MCUB: variants seen among roughly 807,000 people sequenced by gnomAD.
MCUB encodes mitochondrial calcium uniporter dominant negative subunit beta.
Under a neutral mutation model 41.4 loss-of-function variants are expected in MCUB, and 46 were observed. That is an observed-to-expected ratio of 1.11 (90% CI 0.88 to 1.42). The LOEUF is 1.42. Ranked by LOEUF, MCUB falls within the 40% of genes most tolerant of loss-of-function variation. MCUB has a pLI of 0.00. For synonymous variants in MCUB, 148 were observed against 148.2 expected (o/e 1.00, Z 0.01); for missense variants, 403 against 404.9 (o/e 1.00, Z 0.04).
chr4:109,584,111 T>C (rs1240420370), intron 1 of MCUB, among the ~76,000 whole-genome samples: 1 of 152,170 alleles, frequency 6.6e-6, no homozygotes. Flanking sequence ...CTATTAATTA[T>C]TGCCTCAATT....
intron 1 of MCUB, among the ~76,000 whole-genome samples, chr4:109,613,527 C>T (rs1007645360): frequency 7.2e-5 from 11 of 152,190 alleles, no homozygotes; most frequent in African/African-American, 2.7e-4. Context: ...TTCACTTCCA[C>T]TTGGTCCTCT....
rs77432580 is a variant in MCUB at position 109,604,846 on chromosome 4, A to G, written c.99+44410A>G. Among the ~76,000 whole-genome samples, 1,015 of 152,322 alleles carry G rather than the reference A, an allele frequency of 6.7e-3. 10 individuals carry two copies. The highest frequency in any genetic ancestry group is 0.011 in the Non-Finnish European group (731 of 68,040). Reference sequence around the variant, plus strand: ...TTGATTGATTTGCATATGTCAAACCATGGTTCCCTCCTTGGGATAAAAACC... The same window carrying G: ...TTGATTGATTTGCATATGTCAAACCGTGGTTCCCTCCTTGGGATAAAAACC... On this transcript the variant is annotated intron_variant, in intron 1 of 7. Coordinates refer to ENST00000394650, the MANE Select transcript of MCUB (RefSeq NM_017918.5).
At chr4:109,597,130 T>C (rs1579056752) in intron 1 of MCUB, among the ~76,000 whole-genome samples, 1 of 150,182 alleles carries the variant, frequency 6.7e-6, no homozygotes, top group Non-Finnish European at 1.5e-5. Flanking sequence ...CCATGTCTAC[T>C]TCTTTCTACA....
At chr4:109,580,364 G>C (rs1727141777) in intron 1 of MCUB, among the ~76,000 whole-genome samples, 2 of 152,188 alleles carry the variant, frequency 1.3e-5, no homozygotes, top group Admixed American at 1.3e-4. Flanking sequence ...CTGTATAGTA[G>C]CATGATTTGT....
chr4:109,561,385 C>A (rs896888963), intron 1 of MCUB, among the ~76,000 whole-genome samples: 3 of 152,192 alleles, frequency 2.0e-5, no homozygotes, highest in Admixed American at 6.5e-5. Context: ...TCCTTCCCCC[C>A]CTTTTCCTCC....
chr4:109,652,445 C>A (rs1409928909), intron 1 of MCUB, among the ~76,000 whole-genome samples: 3 of 152,114 alleles, frequency 2.0e-5, no homozygotes, highest in Admixed American at 2.0e-4. Context: ...TGTAACAGAA[C>A]CATAGACTGG....
intron 1 of MCUB, among the ~76,000 whole-genome samples, chr4:109,579,568 G>A (rs953857891): frequency 1.1e-4 from 16 of 152,280 alleles, no homozygotes; most frequent in Admixed American, 3.3e-4. Context: ...GGCAGGTTTT[G>A]CACTTAATCT....
intron 1 of MCUB, among the ~76,000 whole-genome samples, chr4:109,624,825 A>T (rs1403818218): frequency 6.6e-6 from 1 of 152,156 alleles, no homozygotes; most frequent in Non-Finnish European, 1.5e-5. Context: ...TATAATGAAA[A>T]GGAGAACAAA....
chr4:109,606,209 C>A, intron 1 of MCUB, among the ~76,000 whole-genome samples: 1 of 152,068 alleles, frequency 6.6e-6, no homozygotes. Flanking sequence ...CTCCTGACCT[C>A]GTGATCCACC....
At chr4:109,684,819 G>T (rs777973999) in intron 6 of MCUB, 173 bp downstream of exon 6, 1 of 529,168 alleles carries the variant, frequency 1.9e-6, no homozygotes, top group East Asian at 3.1e-5. Flanking sequence ...ACAACACAGA[G>T]AAATTATATA....
At chr4:109,584,243 G>A (rs994895309) in intron 1 of MCUB, among the ~76,000 whole-genome samples, 1 of 152,120 alleles carries the variant, frequency 6.6e-6, no homozygotes, top group East Asian at 1.9e-4. Context: ...GCATAGAGGT[G>A]TTTATAGTAT....
intron 1 of MCUB, among the ~76,000 whole-genome samples, chr4:109,656,935 T>C (rs1270319326): frequency 6.6e-6 from 1 of 152,142 alleles, no homozygotes; most frequent in African/African-American, 2.4e-5. Flanking sequence ...GAAATAATGC[T>C]CAGGCCGGGT....
intron 1 of MCUB, among the ~76,000 whole-genome samples, chr4:109,601,966 C>G (rs947762620): frequency 6.6e-6 from 1 of 152,126 alleles, no homozygotes; most frequent in African/African-American, 2.4e-5. Flanking sequence ...TTTTGATTTG[C>G]ATTTCTCTGA....
At chr4:109,638,077 A>G (rs1292648558) in intron 1 of MCUB, among the ~76,000 whole-genome samples, 3 of 152,164 alleles carry the variant, frequency 2.0e-5, no homozygotes, top group Non-Finnish European at 4.4e-5. Flanking sequence ...TTTACAGTCC[A>G]GGGCCTGGTG....
At chr4:109,662,331 C>T (rs1471919655) in intron 3 of MCUB, among the ~76,000 whole-genome samples, 1 of 152,188 alleles carries the variant, frequency 6.6e-6, no homozygotes, top group Non-Finnish European at 1.5e-5. Context: ...TCTTTCTAAG[C>T]TTCTAGGGGC....
At chr4:109,632,679 G>A (rs147360866) in intron 1 of MCUB, among the ~76,000 whole-genome samples, 2,337 of 148,040 alleles carry the variant, frequency 0.016, 59 homozygotes, top group African/African-American at 0.056. Context: ...GCAATGGCGC[G>A]ATCTTGATTC....
chr4:109,685,865 T>G (rs1348781057), intron 7 of MCUB, among the ~76,000 whole-genome samples: 1 of 152,220 alleles, frequency 6.6e-6, no homozygotes, highest in African/African-American at 2.4e-5. Context: ...CTTAAGTACT[T>G]TTTCACAGTC....
intron 4 of MCUB, among the ~76,000 whole-genome samples, chr4:109,668,253 A>G (rs1729387908): frequency 6.6e-6 from 1 of 152,102 alleles, no homozygotes; most frequent in African/African-American, 2.4e-5. Flanking sequence ...AACTGTAAAC[A>G]TGAATTCATC....
intron 5 of MCUB, among the ~76,000 whole-genome samples, chr4:109,684,065 C>CT (rs71595507): frequency 0.23 from 32,742 of 140,006 alleles, 3,918 homozygotes; most frequent in African/African-American, 0.28. Flanking sequence ...TTCCTCTTTT[C>CT]TTTTTTTTTT....
Sources: allele counts gnomAD v4.1 joint callset (sites outside exome capture counted in the v4.1 genomes callset), GRCh38; gene constraint gnomAD v4.1.1; transcripts MANE v1.5; gene names NCBI Gene and HGNC (gene_info 2026-07-23, HGNC 2026-07-21).